CIZ1: variants seen among roughly 807,000 people sequenced by gnomAD.
CIZ1 encodes the protein cip1-interacting zinc finger protein.
A neutral mutation model predicts 118.6 loss-of-function variants in CIZ1; 58 were observed. The ratio of observed to expected loss-of-function variants is 0.49; its 90% CI spans 0.40 to 0.61. The LOEUF (loss-of-function observed/expected upper bound fraction) is 0.61. Ranked by LOEUF, CIZ1 falls within the 20% of genes least tolerant of loss-of-function variation. CIZ1 has a pLI of 0.00. For synonymous variants in CIZ1, 448 were observed against 443.4 expected, an observed-to-expected ratio of 1.01 and a Z score of -0.13; for missense variants, 921 against 1,115.9, an observed-to-expected ratio of 0.83 and a Z score of 2.49.
chr9:128,171,769 C>T (rs4837252), intron 11 of CIZ1, among the ~76,000 whole-genome samples: 93,091 of 151,360 alleles, frequency 0.62, 29,031 homozygotes, highest in Admixed American at 0.73. Context: ...TAAAATAATA[C>T]TTATTTTACA....
At chr9:128,180,631 T>C in intron 6 of CIZ1, 90 bp downstream of exon 6, 1 of 1,352,020 alleles carries the variant, frequency 7.4e-7, no homozygotes, top group East Asian at 2.3e-5. Flanking sequence ...AACCCCTGCC[T>C]CCCACACCTG....
intron 12 of CIZ1, 71 bp downstream of exon 12, chr9:128,169,949 G>T: frequency 7.2e-7 from 1 of 1,387,318 alleles, no homozygotes. Context: ...TTCCAACTGG[G>T]GCTCTGTGTT....
In CIZ1 at chr9:128,185,763, G is replaced by C; in HGVS notation, c.372C>G (p.Gly124=). Residue 124 remains glycine (G), a synonymous_variant, in exon 5 of 17, where the codon GGC becomes GGG. Transcript: ENST00000372938. The part of the protein sequence containing the change: ...MPTATLGNLR[G]YGMASPGLAA... ...CGAGGCCTGGGGATGCCATGCCATA[G>C]CCTCGGAGGTTACCTGCAGGCAAGA... 6.2e-7 allele frequency: 1 copy of C among 1,613,348 alleles called. No individual in the cohort carries two copies. The highest frequency in any genetic ancestry group is 8.5e-7 in the Non-Finnish European group (1 of 1,179,522).
At chr9:128,176,528 G>T in intron 10 of CIZ1, 53 bp from the exon 11 acceptor site, 1 of 1,575,460 alleles carries the variant, frequency 6.3e-7, no homozygotes, top group South Asian at 1.1e-5. Context: ...CAGAACAGTG[G>T]GCAAGGCTGG....
At chr9:128,177,942 C>T (rs527428070) in intron 9 of CIZ1, among the ~76,000 whole-genome samples, 179 bp from the exon 10 acceptor site, 47 of 152,258 alleles carry the variant, frequency 3.1e-4, no homozygotes, top group African/African-American at 9.4e-4. Context: ...AGTCAGGATG[C>T]GAACCCAGGT....
chr9:128,168,200 ACT>A (rs965651247), intron 14 of CIZ1, among the ~76,000 whole-genome samples: 1 of 151,792 alleles, frequency 6.6e-6, no homozygotes, highest in African/African-American at 2.4e-5. Context: ...CCTAGAACAC[ACT>A]CTCTGGAAAC....
At chr9:128,169,606 C>A (rs1043696481) in intron 12 of CIZ1, 87 bp from the exon 13 acceptor site, 1 of 1,573,236 alleles carries the variant, frequency 6.4e-7, no homozygotes, top group East Asian at 2.3e-5. Flanking sequence ...GAGCTCACCT[C>A]CCCCGGGCAG....
At position 128,166,958 on chromosome 9, in the gene CIZ1, G is replaced by A. The variant is rs1360819212; in HGVS notation, c.2366-78C>T. On this transcript the variant is annotated intron_variant, in intron 15 of 16. Coordinates refer to ENST00000372938, the MANE Select transcript of CIZ1 (RefSeq NM_001131016.2). The surrounding 1 kb of genome is among the most constrained non-coding windows in gnomAD (Gnocchi z 4.4). ...TCCCTCCCTCTCTAGGGGCCCATGT[G>A]CTCCCCAACCCTCTAGGCAGGGGCA... is the stretch of plus-strand genomic sequence containing the variant. 9.3e-6 allele frequency: 15 copies of A among 1,610,952 alleles called. No homozygotes were observed. The highest frequency in any genetic ancestry group is 1.3e-5 in the African/African-American group (1 of 74,968).
chr9:128,173,135 C>CTTTTTTT (rs957423189), intron 11 of CIZ1, among the ~76,000 whole-genome samples: 2 of 80,790 alleles, frequency 2.5e-5, no homozygotes, highest in Admixed American at 1.2e-4. Context: ...TGGCTAATTT[C>CTTTTTTT]TTTTTTTTTT....
At position 128,178,390 on chromosome 9, in the gene CIZ1, G is replaced by A. The variant is rs1831139676; in HGVS notation, c.1599C>T (p.Asn533=). 1 of 1,613,774 alleles carries A rather than the reference G, an allele frequency of 6.2e-7. No homozygotes were observed. The highest frequency in any genetic ancestry group is 1.3e-5 in the African/African-American group (1 of 74,928). ...CCACCCCTGGCATCTCTCTCGCTCT[G>A]TTTTCACATTCTCCCACATCTAGGC... is the stretch of plus-strand genomic sequence containing the variant. ...ACGLDVGECE[N]RAREMPGVWG... The change falls in exon 9 of 17, where the codon AAC becomes AAT. Residue 533 remains asparagine, a synonymous_variant. Transcript: ENST00000372938.
At chr9:128,176,323 C>G in intron 11 of CIZ1, 28 bp downstream of exon 11, 2 of 1,611,222 alleles carry the variant, frequency 1.2e-6, no homozygotes. Flanking sequence ...TACCCCCCAA[C>G]ACAGAGCTTC....
chr9:128,173,812 C>A (rs914900595), intron 11 of CIZ1, among the ~76,000 whole-genome samples: 1 of 151,976 alleles, frequency 6.6e-6, no homozygotes, highest in Admixed American at 6.6e-5. Flanking sequence ...CAAGACCATC[C>A]TGGCTAACAC....
chr9:128,166,314 G>A lies in CIZ1; in HGVS notation c.2580C>T (p.Phe860=). 6.4e-7 allele frequency: 1 copy of A among 1,568,840 alleles called. No individual in the cohort carries two copies. Among genetic ancestry groups the A allele is most frequent in the Non-Finnish European group, 8.6e-7 (1 of 1,156,234 alleles). ...INARNALTAL[F]TSSGRPPSQP... ...GGGAGGGTGGGCGGCCGCTGGAGGTGAACAGGGCTGTCAAAGCGTTCCGGG... is the reference window on the plus strand; with the variant it reads ...GGGAGGGTGGGCGGCCGCTGGAGGTAAACAGGGCTGTCAAAGCGTTCCGGG... Residue 860 remains phenylalanine (F), a synonymous_variant, in exon 17 of 17, where the codon TTC becomes TTT. Transcript: ENST00000372938. The surrounding 1 kb of genome is among the most constrained non-coding windows in gnomAD (Gnocchi z 4.4).
intron 4 of CIZ1, among the ~76,000 whole-genome samples, chr9:128,186,947 T>C (rs2131004206): frequency 6.6e-6 from 1 of 151,506 alleles, no homozygotes; most frequent in East Asian, 1.9e-4. Flanking sequence ...TGCTTTTTTT[T>C]TTTTTTTTTT....
rs750288275 is a variant in CIZ1, at chr9:128,190,364, A to G, written c.251T>C (p.Met84Thr). ...TNSASLLNGS[M>T]LQRALLLQQL... ...CTGTAAAAGCAAAGCTCTCTGCAGC[A>G]TGGAGCCGTTGAGGAGGGAGGCTGA... Residue 84 changes from methionine (M) to threonine (T), a missense_variant, in exon 3 of 17, where the codon ATG (methionine) becomes ACG (threonine). Met to Thr is a moderately conservative substitution (Grantham distance 81). Coordinates refer to ENST00000372938, the MANE Select transcript of CIZ1 (RefSeq NM_001131016.2). The G allele has an allele frequency of 6.2e-7, 1 of 1,614,034 alleles. No homozygotes were observed. The highest frequency in any genetic ancestry group is 8.5e-7 in the Non-Finnish European group (1 of 1,179,926).
chr9:128,169,261 T>TTG, intron 13 of CIZ1, 60 bp from the exon 14 acceptor site: 26 of 1,099,472 alleles, frequency 2.4e-5, no homozygotes, highest in East Asian at 8.2e-5. Flanking sequence ...GGCCATGCCC[T>TTG]ACCCACCCCA....
At chr9:128,182,288 A>G (rs1453073458) in intron 5 of CIZ1, among the ~76,000 whole-genome samples, 2 of 151,864 alleles carry the variant, frequency 1.3e-5, no homozygotes, top group Non-Finnish European at 2.9e-5. Context: ...TTGTGTCTTT[A>G]TTTCTACACT....
At chr9:128,179,796 C>A (rs148667359) in intron 7 of CIZ1, among the ~76,000 whole-genome samples, 4,273 of 152,196 alleles carry the variant, frequency 0.028, 197 homozygotes, top group African/African-American at 0.097. Flanking sequence ...CCTCAGCCTC[C>A]GGAGTAGCTG....
Position 128,166,529 on chromosome 9 carries a change from C to T in CIZ1, c.2488-123G>A. ...GTGTGCTCTGTGACCCTGCGTGATG[C>T]ACTCGGCCTCTCTGGGCCGTCTCTG... is the stretch of plus-strand genomic sequence containing the variant. On this transcript the variant is annotated intron_variant, in intron 16 of 16. Transcript: ENST00000372938. The surrounding 1 kb of genome is among the most constrained non-coding windows in gnomAD (Gnocchi z 4.4). The T allele has an allele frequency of 1.0e-6, 1 of 985,298 alleles. No homozygotes were observed. The highest frequency in any genetic ancestry group is 1.6e-5 in the African/African-American group (1 of 61,352). 61.0% of individuals were successfully genotyped at this position (985,298 alleles called of 1,614,324 possible).
Sources: gnomAD v4.1 joint callset for allele counts (sites outside exome capture counted in the v4.1 genomes callset) on GRCh38, gnomAD v4.1.1 for gene constraint, Gnocchi (gnomAD v3.1) non-coding constraint, MANE v1.5 for transcripts, NCBI Gene and HGNC (gene_info 2026-07-23, HGNC 2026-07-21) for gene names.